Variants in CDH13 observed in about 807,000 individuals in gnomAD.
The protein encoded by CDH13 is cadherin 13, also known as cadherin-13.
A neutral mutation model predicts 63.8 loss-of-function variants in CDH13; 24 were observed. The ratio of observed to expected loss-of-function variants is 0.38; its 90% confidence interval spans 0.27 to 0.53. The LOEUF (loss-of-function observed/expected upper bound fraction) is 0.53, where lower values mean the gene tolerates loss of function less well. Ranked by LOEUF, CDH13 falls within the 20% of genes least tolerant of loss-of-function variation. The pLI is 0.85. For missense variants in CDH13, 1,049 were observed against 903.1 expected (o/e 1.16, Z -2.07); for synonymous variants, 503 against 355.3 (o/e 1.42, Z -4.67).
At chr16:82,820,994 C>A (rs977418130) in intron 1 of CDH13, among the ~76,000 whole-genome samples, 5 of 152,074 alleles carry the variant, frequency 3.3e-5, no homozygotes, top group Non-Finnish European at 4.4e-5. Context: ...TAACAATGAT[C>A]TCCTCATTAG....
At chr16:83,504,084 C>A (rs557254305) in intron 7 of CDH13, among the ~76,000 whole-genome samples, 11 of 152,100 alleles carry the variant, frequency 7.2e-5, no homozygotes, top group Non-Finnish European at 1.6e-4. Context: ...AACAAACCTG[C>A]ACAGTCTGCA....
At chr16:82,680,076 A>G (rs765491320) in intron 1 of CDH13, among the ~76,000 whole-genome samples, 5 of 152,150 alleles carry the variant, frequency 3.3e-5, no homozygotes, top group Non-Finnish European at 5.9e-5. Context: ...TCATCCCTCC[A>G]CTGGGGAAGA....
At chr16:82,788,185 AAAAAAAC>A (rs1346710614) in intron 1 of CDH13, among the ~76,000 whole-genome samples, 1 of 152,158 alleles carries the variant, frequency 6.6e-6, no homozygotes, top group Non-Finnish European at 1.5e-5. Flanking sequence ...GAGAGAGAGG[AAAAAAAC>A]AAAGTGAGGA....
At chr16:82,966,142 T>C (rs1292068972) in intron 2 of CDH13, among the ~76,000 whole-genome samples, 3 of 152,128 alleles carry the variant, frequency 2.0e-5, no homozygotes, top group African/African-American at 7.2e-5. Flanking sequence ...ATTTTTCCTA[T>C]TTTTGTTTGT....
chr16:82,790,117 G>A (rs574440735), intron 1 of CDH13, among the ~76,000 whole-genome samples: 2 of 152,030 alleles, frequency 1.3e-5, no homozygotes, highest in South Asian at 2.1e-4. Flanking sequence ...ACCCCCCCTC[G>A]CAACACACAC....
chr16:82,688,232 C>A (rs1915281351), intron 1 of CDH13, among the ~76,000 whole-genome samples: 1 of 152,182 alleles, frequency 6.6e-6, no homozygotes, highest in African/African-American at 2.4e-5. Context: ...TACTTCCAGG[C>A]TGTGTCTCGA....
At chr16:82,790,964 C>G (rs987273112) in intron 1 of CDH13, among the ~76,000 whole-genome samples, 1 of 152,144 alleles carries the variant, frequency 6.6e-6, no homozygotes, top group Non-Finnish European at 1.5e-5. Context: ...CCAGCTGTGC[C>G]TGGTGGCTCA....
At chr16:83,683,175 C>T (rs939797019) in intron 10 of CDH13, among the ~76,000 whole-genome samples, 1 of 152,206 alleles carries the variant, frequency 6.6e-6, no homozygotes, top group Non-Finnish European at 1.5e-5. Context: ...CACTAAAAAG[C>T]CTGGGTTATT....
intron 2 of CDH13, among the ~76,000 whole-genome samples, chr16:82,951,812 G>C (rs1027042397): frequency 5.9e-5 from 9 of 152,170 alleles, no homozygotes; most frequent in Admixed American, 2.0e-4. Flanking sequence ...CTCAGCTGTT[G>C]TACACCCATG....
intron 6 of CDH13, among the ~76,000 whole-genome samples, chr16:83,402,678 G>T (rs1409857697): frequency 6.6e-6 from 1 of 152,114 alleles, no homozygotes; most frequent in Non-Finnish European, 1.5e-5. Flanking sequence ...TGTTTGGATG[G>T]CATGACTAAA....
intron 5 of CDH13, among the ~76,000 whole-genome samples, chr16:83,254,357 G>A (rs1905954899): frequency 6.6e-6 from 1 of 152,206 alleles, no homozygotes; most frequent in Non-Finnish European, 1.5e-5. Context: ...CTCATGCACA[G>A]AGTGTCTTCA....
chr16:83,027,747 C>G (rs1945747077), intron 2 of CDH13, among the ~76,000 whole-genome samples: 1 of 152,160 alleles, frequency 6.6e-6, no homozygotes, highest in South Asian at 2.1e-4. Context: ...TATCTCCATT[C>G]TAACTTCCTT....
intron 10 of CDH13, among the ~76,000 whole-genome samples, chr16:83,724,137 G>T: frequency 6.9e-6 from 1 of 144,178 alleles, no homozygotes; most frequent in East Asian, 2.0e-4. Flanking sequence ...TGCATGGGTG[G>T]GTGATGAATG....
At chr16:82,742,312 AT>A (rs1567488183) in intron 1 of CDH13, among the ~76,000 whole-genome samples, 1 of 152,236 alleles carries the variant, frequency 6.6e-6, no homozygotes, top group East Asian at 1.9e-4. Context: ...TCTTATTTTT[AT>A]TTTTTTCTTT....
At chr16:82,695,936 T>A (rs1213864668) in intron 1 of CDH13, among the ~76,000 whole-genome samples, 1 of 152,200 alleles carries the variant, frequency 6.6e-6, no homozygotes, top group Non-Finnish European at 1.5e-5. Context: ...TCAAATCTAC[T>A]AGCCTGCCAA....
At position 82,835,609 on chromosome 16, in the gene CDH13, A is replaced by C. The variant is rs542653523; in HGVS notation, c.46-22753A>C. Among the ~76,000 whole-genome samples the C allele has an allele frequency of 1.5e-4, 23 of 152,336 alleles. No individual in the cohort carries two copies. In the South Asian group the frequency reaches 4.8e-3, roughly 32 times the overall value. ...GGTTATTTAACACGCCAGGGGCAGT[A>C]GGTGCATACAGTCCTATGCTCCCAG... On this transcript the variant is annotated intron_variant, in intron 1 of 13. Coordinates refer to ENST00000567109, the MANE Select transcript of CDH13 (RefSeq NM_001257.5).
chr16:83,491,132 T>C (rs1216464473), intron 7 of CDH13, among the ~76,000 whole-genome samples: 1 of 152,220 alleles, frequency 6.6e-6, no homozygotes, highest in Non-Finnish European at 1.5e-5. Flanking sequence ...GTCTTACCCT[T>C]GTGCAATCAT....
intron 5 of CDH13, among the ~76,000 whole-genome samples, chr16:83,239,097 C>A (rs1266355169): frequency 6.6e-6 from 1 of 152,174 alleles, no homozygotes; most frequent in Non-Finnish European, 1.5e-5. Context: ...TGCTCTACTT[C>A]CTACTCTAAA....
At chr16:83,299,292 G>GAAAAAAAAAAAA (rs11308841) in intron 5 of CDH13, among the ~76,000 whole-genome samples, 1 of 143,284 alleles carries the variant, frequency 7.0e-6, no homozygotes, top group Non-Finnish European at 1.5e-5. Context: ...ATCAGGCCAT[G>GAAAAAAAAAAAA]AAAAAAAAAA....
Sources: gnomAD v4.1 joint callset for allele counts (sites outside exome capture counted in the v4.1 genomes callset) on GRCh38, gnomAD v4.1.1 for gene constraint, MANE v1.5 for transcripts, NCBI Gene and HGNC (gene_info 2026-07-23, HGNC 2026-07-21) for gene names.